ADCY9: variants seen among roughly 807,000 people sequenced by gnomAD.
ADCY9 encodes the protein adenylate cyclase 9.
Under a neutral mutation model 101.5 loss-of-function variants are expected in ADCY9, and 50 were observed. The observed-to-expected ratio is 0.49, with a 90% CI of 0.39 to 0.62. The LOEUF (loss-of-function observed/expected upper bound fraction) is 0.62. Among genes scored for constraint, ADCY9 ranks in the 20% least tolerant of loss-of-function variants. The pLI is 0.00. For missense variants in ADCY9, 1,662 were observed against 1,800.4 expected, an observed-to-expected ratio of 0.92 and a Z score of 1.39; for synonymous variants, 905 against 769.3, an observed-to-expected ratio of 1.18 and a Z score of -2.92.
intron 2 of ADCY9, among the ~76,000 whole-genome samples, chr16:4,038,846 AC>A (rs1411317333): frequency 6.6e-6 from 1 of 151,010 alleles, no homozygotes; most frequent in African/African-American, 2.4e-5. Context: ...CACTGCCTGA[AC>A]CCTGAATGTC....
intron 2 of ADCY9, among the ~76,000 whole-genome samples, chr16:4,034,158 C>T (rs1222251404): frequency 6.6e-6 from 1 of 152,098 alleles, no homozygotes; most frequent in African/African-American, 2.4e-5. Flanking sequence ...TCCCCTCTGC[C>T]TTCTCGGTCT....
At position 4,005,607 on chromosome 16, in the gene ADCY9, C is replaced by T. The variant is rs143929780; in HGVS notation, c.1884+1761G>A. 1.3e-4 allele frequency among the ~76,000 whole-genome samples: 20 copies of T among 152,254 alleles called. No homozygotes were observed. In the East Asian group the frequency reaches 2.1e-3, roughly 16 times the overall value. The stretch of plus-strand genomic sequence containing the variant: ...AAAATCTCCACATGCCAAGAAGATA[C>T]GCTAAATGGTTTTTGCTCATTCCGA... On this transcript the variant is annotated intron_variant, in intron 3 of 10. Transcript: ENST00000294016.
intron 2 of ADCY9, among the ~76,000 whole-genome samples, chr16:4,008,858 C>G (rs1464262582): frequency 6.6e-6 from 1 of 152,142 alleles, no homozygotes; most frequent in Non-Finnish European, 1.5e-5. Context: ...CGCAGGGACC[C>G]TTCTTGAAGG....
At chr16:4,001,210 G>T (rs1053664942) in intron 3 of ADCY9, among the ~76,000 whole-genome samples, 1 of 152,092 alleles carries the variant, frequency 6.6e-6, no homozygotes, top group Non-Finnish European at 1.5e-5. Flanking sequence ...TGCTGTTCGG[G>T]TCTCCTCTAG....
chr16:4,083,603 C>T (rs2056918960), intron 2 of ADCY9, among the ~76,000 whole-genome samples: 1 of 152,176 alleles, frequency 6.6e-6, no homozygotes, highest in African/African-American at 2.4e-5. Flanking sequence ...GTGAAACAAC[C>T]CAAATATCCA....
At chr16:4,014,675 T>C (rs901126148) in intron 2 of ADCY9, among the ~76,000 whole-genome samples, 4 of 152,000 alleles carry the variant, frequency 2.6e-5, no homozygotes, top group African/African-American at 4.8e-5. Flanking sequence ...CTCGAACTCC[T>C]GACCTCAAAT....
chr16:4,030,825 G>A (rs1313806927), intron 2 of ADCY9, among the ~76,000 whole-genome samples: 2 of 152,208 alleles, frequency 1.3e-5, no homozygotes, highest in East Asian at 1.9e-4. Context: ...AGTGGGTAGC[G>A]TTGGGAGGGA....
At chr16:4,062,477 T>C (rs528876658) in intron 2 of ADCY9, among the ~76,000 whole-genome samples, 5 of 152,286 alleles carry the variant, frequency 3.3e-5, no homozygotes, top group African/African-American at 1.2e-4. Context: ...GTTCTAACCA[T>C]GTGCTGTCTG....
intron 10 of ADCY9, among the ~76,000 whole-genome samples, chr16:3,969,474 AGT>A (rs2056028147): frequency 1.5e-5 from 2 of 135,730 alleles, no homozygotes; most frequent in South Asian, 4.7e-4. Flanking sequence ...CCTGACCTAA[AGT>A]GATCTGCCCG....
intron 10 of ADCY9, among the ~76,000 whole-genome samples, chr16:3,973,150 T>G (rs1226925975): frequency 6.6e-6 from 1 of 152,204 alleles, no homozygotes; most frequent in East Asian, 1.9e-4. Flanking sequence ...TTTGAGTAAA[T>G]GTATAATCAG....
At chr16:4,019,077 G>C (rs1028311963) in intron 2 of ADCY9, among the ~76,000 whole-genome samples, 1 of 151,840 alleles carries the variant, frequency 6.6e-6, no homozygotes, top group African/African-American at 2.4e-5. Context: ...CTGGGCTCAA[G>C]TGATCCTCCC....
chr16:4,067,048 G>A (rs1271027795), intron 2 of ADCY9, among the ~76,000 whole-genome samples: 1 of 152,170 alleles, frequency 6.6e-6, no homozygotes, highest in East Asian at 1.9e-4. Flanking sequence ...CAGATTTAGA[G>A]AAAATTGCGG....
At chr16:3,984,829 G>A (rs761571319) in intron 6 of ADCY9, among the ~76,000 whole-genome samples, 35 of 152,308 alleles carry the variant, frequency 2.3e-4, no homozygotes, top group African/African-American at 5.8e-4. Flanking sequence ...CGCACGGAGC[G>A]GAAAGGTCTC....
chr16:4,044,394 A>C (rs2056648375), intron 2 of ADCY9, among the ~76,000 whole-genome samples: 1 of 152,098 alleles, frequency 6.6e-6, no homozygotes, highest in Non-Finnish European at 1.5e-5. Flanking sequence ...CTAAAACACT[A>C]GGTTTATGAA....
At chr16:4,039,663 G>T (rs1014123310) in intron 2 of ADCY9, among the ~76,000 whole-genome samples, 9 of 125,764 alleles carry the variant, frequency 7.2e-5, no homozygotes, top group African/African-American at 2.8e-4. Flanking sequence ...TGGGCAACAA[G>T]AGTGAAACTC....
chr16:3,997,617 C>A (rs1025246530), intron 3 of ADCY9, among the ~76,000 whole-genome samples: 5 of 152,338 alleles, frequency 3.3e-5, no homozygotes, highest in Admixed American at 3.3e-4. Flanking sequence ...CACCCACGCT[C>A]GGGCCTCCTG....
chr16:4,001,945 C>T (rs1303460403), intron 3 of ADCY9, among the ~76,000 whole-genome samples: 6 of 152,096 alleles, frequency 3.9e-5, no homozygotes, highest in Non-Finnish European at 8.8e-5. Flanking sequence ...CATGGGGTTT[C>T]ACCATGTTGG....
rs768310580 is a variant in ADCY9 at position 3,965,771 on chromosome 16, C to T, written c.*4G>A. 114 of 1,601,062 alleles carry T rather than the reference C, an allele frequency of 7.1e-5. No individual in the cohort carries two copies. The highest frequency in any genetic ancestry group is 3.5e-4 in the South Asian group (31 of 89,784). On this transcript the variant is annotated 3_prime_UTR_variant, in exon 11 of 11. Coordinates refer to ENST00000294016, the MANE Select transcript of ADCY9 (RefSeq NM_001116.4). ...AGCACCTCGGGCAGCGGGTGGGCGC[C>T]GCCTCACACACTCTTTGAAACGTTG...
chr16:4,077,773 G>A (rs1250280962), intron 2 of ADCY9, among the ~76,000 whole-genome samples: 1 of 152,166 alleles, frequency 6.6e-6, no homozygotes. Context: ...GCTGAGGTGG[G>A]TGGATTACTT....
Sources: allele counts gnomAD v4.1 joint callset (sites outside exome capture counted in the v4.1 genomes callset), GRCh38; gene constraint gnomAD v4.1.1; transcripts MANE v1.5; gene names NCBI Gene and HGNC (gene_info 2026-07-23, HGNC 2026-07-21).